Variants in NRG3 observed in about 807,000 individuals in gnomAD.
The protein encoded by NRG3 is pro-neuregulin-3, membrane-bound isoform.
NRG3 carries 31 observed loss-of-function variants against 66.9 expected under a neutral mutation model. That is an observed-to-expected ratio of 0.46 (90% CI 0.35 to 0.63). The LOEUF is 0.63. Among genes scored for constraint, NRG3 ranks in the 20% least tolerant of loss-of-function variants. NRG3 has a pLI of 0.00. For missense variants in NRG3, 910 were observed against 878.9 expected, an observed-to-expected ratio of 1.04 and a Z score of -0.45; for synonymous variants, 393 against 359.4, an observed-to-expected ratio of 1.09 and a Z score of -1.06.
At chr10:81,904,222 T>C (rs1589409035) in intron 1 of NRG3, among the ~76,000 whole-genome samples, 1 of 151,628 alleles carries the variant, frequency 6.6e-6, no homozygotes, top group African/African-American at 2.4e-5. Context: ...GTTGGCTAGG[T>C]TGGTTTTGAA....
intron 4 of NRG3, among the ~76,000 whole-genome samples, chr10:82,879,344 CA>C (rs1314496212): frequency 6.6e-6 from 1 of 152,120 alleles, no homozygotes; most frequent in Non-Finnish European, 1.5e-5. Flanking sequence ...TAAGCAAACC[CA>C]CCCATGAAAC....
At chr10:82,722,369 A>T (rs1363438076) in intron 2 of NRG3, among the ~76,000 whole-genome samples, 1 of 152,198 alleles carries the variant, frequency 6.6e-6, no homozygotes, top group East Asian at 1.9e-4. Flanking sequence ...TATAATATTG[A>T]GCGATTCTTG....
At chr10:82,608,121 T>C (rs2048084287) in intron 2 of NRG3, among the ~76,000 whole-genome samples, 1 of 152,186 alleles carries the variant, frequency 6.6e-6, no homozygotes, top group South Asian at 2.1e-4. Flanking sequence ...GCAAAAAATT[T>C]CTTCAGTTTT....
At chr10:82,538,908 C>T (rs1357283163) in intron 2 of NRG3, among the ~76,000 whole-genome samples, 1 of 152,112 alleles carries the variant, frequency 6.6e-6, no homozygotes, top group East Asian at 1.9e-4. Context: ...GGGCAGCAGG[C>T]AGATGGGGAA....
chr10:82,173,477 C>G (rs1048238964), intron 1 of NRG3, among the ~76,000 whole-genome samples: 1 of 152,034 alleles, frequency 6.6e-6, no homozygotes, highest in Non-Finnish European at 1.5e-5. Flanking sequence ...CACATGCATA[C>G]ACACCTATTA....
At chr10:82,721,203 C>T (rs2057297375) in intron 2 of NRG3, among the ~76,000 whole-genome samples, 1 of 134,592 alleles carries the variant, frequency 7.4e-6, no homozygotes, top group South Asian at 2.5e-4. Flanking sequence ...GTGATCTCCG[C>T]TCACTGCAAG....
At chr10:82,461,226 ACACCAC>A (rs377700934) in intron 2 of NRG3, among the ~76,000 whole-genome samples, 38 of 147,930 alleles carry the variant, frequency 2.6e-4, no homozygotes, top group African/African-American at 8.7e-4. Context: ...ACCACCATCA[ACACCAC>A]CACCACCACC....
intron 1 of NRG3, among the ~76,000 whole-genome samples, chr10:81,935,599 G>A (rs1359716542): frequency 6.6e-6 from 1 of 152,038 alleles, no homozygotes; most frequent in African/African-American, 2.4e-5. Flanking sequence ...CAAAGAAACT[G>A]TGGATAACAT....
chr10:82,742,689 G>A, intron 3 of NRG3, among the ~76,000 whole-genome samples: 1 of 152,160 alleles, frequency 6.6e-6, no homozygotes. Context: ...CATTCTTGAA[G>A]GGCATATTTC....
intron 1 of NRG3, among the ~76,000 whole-genome samples, chr10:82,023,306 G>A (rs533496662): frequency 2.0e-4 from 30 of 151,880 alleles, no homozygotes; most frequent in Non-Finnish European, 3.8e-4. Context: ...GTGTGAACAA[G>A]GATAATTTCA....
intron 2 of NRG3, among the ~76,000 whole-genome samples, chr10:82,481,944 G>A (rs575789077): frequency 2.2e-4 from 34 of 152,214 alleles, no homozygotes; most frequent in Non-Finnish European, 4.0e-4. Context: ...CTGAGATCAC[G>A]CCACTGCACT....
intron 5 of NRG3, among the ~76,000 whole-genome samples, chr10:82,958,567 A>G (rs1008080210): frequency 1.3e-5 from 2 of 152,352 alleles, no homozygotes; most frequent in African/African-American, 4.8e-5. Flanking sequence ...AACTCTACAA[A>G]TATGTCATAT....
intron 2 of NRG3, among the ~76,000 whole-genome samples, chr10:82,423,794 A>T (rs750237514): frequency 1.3e-5 from 2 of 152,018 alleles, no homozygotes; most frequent in Non-Finnish European, 2.9e-5. Context: ...TCATACCATT[A>T]GCTGTTAGTC....
intron 2 of NRG3, among the ~76,000 whole-genome samples, chr10:82,573,723 C>T (rs1013622442): frequency 5.9e-5 from 9 of 151,700 alleles, no homozygotes; most frequent in African/African-American, 2.2e-4. Context: ...ATGTGCAACA[C>T]AAATCTGCTG....
chr10:82,010,445 C>T (rs1156426702), intron 1 of NRG3, among the ~76,000 whole-genome samples: 1 of 152,152 alleles, frequency 6.6e-6, no homozygotes, highest in African/African-American at 2.4e-5. Context: ...TTAAGACTTT[C>T]TTTTAATGTA....
intron 2 of NRG3, among the ~76,000 whole-genome samples, chr10:82,418,596 G>T (rs2088807052): frequency 6.6e-6 from 1 of 151,988 alleles, no homozygotes; most frequent in Non-Finnish European, 1.5e-5. Flanking sequence ...CCAGTGTAAA[G>T]ACTTTTATTT....
At chr10:82,264,791 G>A (rs1423267138) in intron 1 of NRG3, among the ~76,000 whole-genome samples, 1 of 152,120 alleles carries the variant, frequency 6.6e-6, no homozygotes, top group Non-Finnish European at 1.5e-5. Context: ...GCCACTGAGA[G>A]GTCAGGTAAA....
At chr10:82,824,719 C>CTT (rs35568898) in intron 3 of NRG3, among the ~76,000 whole-genome samples, 26 of 138,680 alleles carry the variant, frequency 1.9e-4, no homozygotes, top group East Asian at 6.2e-4. Flanking sequence ...ATTATAGACA[C>CTT]TTTTTTTTTT....
chr10:82,759,176 GTC>G (rs113145049), intron 3 of NRG3, among the ~76,000 whole-genome samples: 33 of 149,850 alleles, frequency 2.2e-4, no homozygotes, highest in Middle Eastern at 3.4e-3. Context: ...GGCTTTCTTG[GTC>G]TCTCTCTCTC....
Sources: allele counts gnomAD v4.1 joint callset (sites outside exome capture counted in the v4.1 genomes callset), GRCh38; gene constraint gnomAD v4.1.1; transcripts MANE v1.5; gene names NCBI Gene and HGNC (gene_info 2026-07-23, HGNC 2026-07-21).